PNLDC1: variants seen among roughly 807,000 people sequenced by gnomAD.
The protein encoded by PNLDC1 is poly(A)-specific ribonuclease PNLDC1.
In PNLDC1, 70 loss-of-function variants were observed where a neutral mutation model predicts 82.0. The observed-to-expected ratio is 0.85, with a 90% CI of 0.70 to 1.04. The LOEUF (loss-of-function observed/expected upper bound fraction) is 1.04. Among genes scored for constraint, PNLDC1 ranks in the 50% least tolerant of loss-of-function variants. PNLDC1 has a pLI of 0.00. For synonymous variants in PNLDC1, 280 were observed against 249.3 expected, an observed-to-expected ratio of 1.12 and a Z score of -1.16; for missense variants, 631 against 661.1, an observed-to-expected ratio of 0.95 and a Z score of 0.50.
Position 159,817,165 on chromosome 6 carries a change from C to T in PNLDC1, c.1157+14C>T, listed in dbSNP as rs777374242. ...GAAGATATACCAGTAAGTGTTCTTT[C>T]TTTTCATCCTACTGTTCAATCGGTG... On this transcript the variant is annotated intron_variant, in intron 15 of 18. Coordinates refer to ENST00000392167, the MANE Select transcript of PNLDC1 (RefSeq NM_001271862.2). 1.9e-6 allele frequency: 3 copies of T among 1,606,710 alleles called. No individual in the cohort carries two copies. The highest frequency in any genetic ancestry group is 2.6e-6 in the Non-Finnish European group (3 of 1,173,642).
At chr6:159,800,856 T>C (rs758355595) in intron 2 of PNLDC1, 27 bp downstream of exon 2, 1 of 1,613,900 alleles carries the variant, frequency 6.2e-7, no homozygotes, top group South Asian at 1.1e-5. Context: ...GTCCCCTCTG[T>C]ATAAGAGCCT....
chr6:159,800,521 C>T (rs1035455262), intron 1 of PNLDC1, 138 bp downstream of exon 1: 121 of 1,308,768 alleles, frequency 9.2e-5, no homozygotes, highest in Non-Finnish European at 4.9e-5. Flanking sequence ...CTTCCTTCTC[C>T]AGCCCCGGGG....
At chr6:159,803,767 G>A (rs1344114973) in intron 4 of PNLDC1, among the ~76,000 whole-genome samples, 198 bp from the exon 5 acceptor site, 2 of 152,134 alleles carry the variant, frequency 1.3e-5, no homozygotes, top group Non-Finnish European at 2.9e-5. Flanking sequence ...TGTGGTATAC[G>A]CTGGCCCTGA....
chr6:159,819,349 T>C lies in PNLDC1; in HGVS notation c.1529T>C (p.Leu510Pro). Residue 510 changes from leucine to proline, a missense_variant, in exon 18 of 19, where the codon CTC (leucine) becomes CCC (proline). Coordinates refer to ENST00000392167, the MANE Select transcript of PNLDC1 (RefSeq NM_001271862.2). The surrounding 1 kb of genome is among the most constrained non-coding windows in gnomAD (Gnocchi z 4.6). ...CACTCCCCAAACGTCAACTGCCTGC[T>C]CCAGTAAGTGACAGGCTGAGGCCAC... is the stretch of plus-strand genomic sequence containing the variant. The part of the protein sequence containing the change: ...WRHSPNVNCL[L>P]QVCGIVTAWA... 6.2e-7 allele frequency: 1 copy of C among 1,613,368 alleles called. No individual in the cohort carries two copies. The highest frequency in any genetic ancestry group is 8.5e-7 in the Non-Finnish European group (1 of 1,179,890).
Position 159,819,128 on chromosome 6 carries a change from GC to G in PNLDC1, c.1433+9del, listed in dbSNP as rs780168350. On this transcript the variant is annotated splice_region_variant and intron_variant, in intron 17 of 18. Transcript: ENST00000392167. This position sits in a 1 kb window ranked among gnomAD's most constrained non-coding sequence, Gnocchi z 4.6. ...TGACCAATAAGTTTAAGGAGTAGGT[GC>G]CTCTAAGTCCGCGTCCCCCACCCCT... is the stretch of plus-strand genomic sequence containing the variant. 2.5e-6 allele frequency: 4 copies of G among 1,613,524 alleles called. No homozygotes were observed. Among genetic ancestry groups the G allele is most frequent in the Admixed American group, 1.7e-5 (1 of 60,010 alleles).
In PNLDC1 at chr6:159,819,410, C is replaced by T. The variant is rs967526715; in HGVS notation, c.1532+58C>T. The T allele has an allele frequency of 1.5e-5, 21 of 1,435,748 alleles. No individual in the cohort carries two copies. In the African/African-American group the frequency reaches 2.7e-4, roughly 18 times the overall value. 88.9% of individuals were successfully genotyped at this position (1,435,748 alleles called of 1,614,324 possible). A position where few individuals can be genotyped will look rare whatever the true frequency, so the allele number is the denominator to read the frequency against. ...TGGGGTCCTGGAGTGCCCGGGGTCCCAGCATCCCAGCATGGTCTGACTCGA... is the reference window on the plus strand; with the variant it reads ...TGGGGTCCTGGAGTGCCCGGGGTCCTAGCATCCCAGCATGGTCTGACTCGA... On this transcript the variant is annotated intron_variant, in intron 18 of 18. Coordinates refer to ENST00000392167, the MANE Select transcript of PNLDC1 (RefSeq NM_001271862.2). This position sits in a 1 kb window ranked among gnomAD's most constrained non-coding sequence, Gnocchi z 4.6.
At chr6:159,820,393 G>T (rs1781999676) in intron 18 of PNLDC1, 61 bp from the exon 19 acceptor site, 2 of 1,529,996 alleles carry the variant, frequency 1.3e-6, no homozygotes, top group Non-Finnish European at 9.0e-7. Context: ...GGGCAAGCCT[G>T]TGTCGGTGCC....
chr6:159,818,196 T>C (rs1287041128), intron 15 of PNLDC1, among the ~76,000 whole-genome samples: 2 of 152,216 alleles, frequency 1.3e-5, no homozygotes, highest in Non-Finnish European at 2.9e-5. Context: ...AGGGATGCCC[T>C]TTTGGAATCA....
intron 6 of PNLDC1, 55 bp from the exon 7 acceptor site, chr6:159,805,928 T>G: frequency 7.8e-7 from 1 of 1,278,686 alleles, no homozygotes; most frequent in Non-Finnish European, 1.1e-6. Flanking sequence ...AACATAGTCT[T>G]GCGGTTCTGA....
In PNLDC1 at chr6:159,818,715, C is replaced by T. The variant is rs1194908424; in HGVS notation, c.1257+61C>T. The T allele has an allele frequency of 3.6e-5, 54 of 1,492,348 alleles. No homozygotes were observed. In the Admixed American group the frequency reaches 4.0e-4, roughly 11 times the overall value. 92.4% of individuals were successfully genotyped at this position (1,492,348 alleles called of 1,614,324 possible). A position where few individuals can be genotyped will look rare whatever the true frequency, so the allele number is the denominator to read the frequency against. ...AGAGTTCAGAGGCTTTGCTGGGAAG[C>T]GGCCAGTGCTCTCTGGGACTCGTGA... On this transcript the variant is annotated intron_variant, in intron 16 of 18. Transcript: ENST00000392167.
rs552979375 is a variant in PNLDC1, at chr6:159,811,910, TTTTG to T, written c.939+129_939+132del. On this transcript the variant is annotated intron_variant, in intron 11 of 18. Coordinates refer to ENST00000392167, the MANE Select transcript of PNLDC1 (RefSeq NM_001271862.2). ...TTTTGTTTTGTTTTGTTTTGTTTTG[TTTTG>T]TTTGAGAGGGAGTCTTGCTCTCAAA... 4.9e-3 allele frequency: 3,743 copies of T among 767,518 alleles called. 23 individuals carry two copies. Among genetic ancestry groups the T allele is most frequent in the Non-Finnish European group, 5.8e-3 (2,801 of 482,390 alleles). 47.5% of individuals were successfully genotyped at this position (767,518 alleles called of 1,614,324 possible).
At chr6:159,800,226 A>T, upstream of PNLDC1, 2 of 1,380,126 alleles carry the variant, frequency 1.4e-6, no homozygotes, top group Non-Finnish European at 2.0e-6. Flanking sequence ...GCCCTTTAAG[A>T]CCCGGCGGCG....
chr6:159,819,172 A>G lies in PNLDC1; in HGVS notation c.1433+51A>G. On this transcript the variant is annotated intron_variant, in intron 17 of 18. Coordinates refer to ENST00000392167, the MANE Select transcript of PNLDC1 (RefSeq NM_001271862.2). The surrounding 1 kb of genome is among the most constrained non-coding windows in gnomAD (Gnocchi z 4.6). ...CCACCCCTCGTGCGTTCATCCCTGT[A>G]TCTCTCTGACTCCACCCGCCTGATC... 1.9e-6 allele frequency: 3 copies of G among 1,609,722 alleles called. No individual in the cohort carries two copies. The highest frequency in any genetic ancestry group is 2.5e-6 in the Non-Finnish European group (3 of 1,176,968).
At chr6:159,802,090 G>A (rs1326728123) in intron 3 of PNLDC1, among the ~76,000 whole-genome samples, 1 of 152,204 alleles carries the variant, frequency 6.6e-6, no homozygotes, top group African/African-American at 2.4e-5. Flanking sequence ...GTTTCACCAT[G>A]TTGGCCAGGC....
At chr6:159,815,839 A>G in intron 12 of PNLDC1, 130 bp from the exon 13 acceptor site, 2 of 670,322 alleles carry the variant, frequency 3.0e-6, no homozygotes, top group South Asian at 3.6e-5. Flanking sequence ...GTCCATGCTT[A>G]GATTTGCACC....
rs1261720414 is a variant in PNLDC1, at chr6:159,804,038, C to T, written c.322C>T (p.Gln108Ter). 2 of 1,614,138 alleles carry T rather than the reference C, an allele frequency of 1.2e-6. No individual in the cohort carries two copies. The highest frequency in any genetic ancestry group is 1.7e-5 in the Admixed American group (1 of 60,022). ...GATTTTGGACTCAGAATTCTCCTTC[C>T]AGGCTTCCAGTGTTCAGTTTTTGAA... ...FGILDSEFSF[Q>*]ASSVQFLNQY... Residue 108 changes from glutamine (Q) to a stop codon, truncating the protein, a stop_gained, in exon 5 of 19, where the codon CAG becomes TAG. Transcript: ENST00000392167. LOFTEE classifies it high-confidence loss of function.
intron 7 of PNLDC1, among the ~76,000 whole-genome samples, chr6:159,808,137 C>G (rs1358949567): frequency 1.3e-5 from 2 of 152,202 alleles, no homozygotes; most frequent in Non-Finnish European, 2.9e-5. Flanking sequence ...TGGTCTCGAA[C>G]TCCTGACCTC....
Position 159,806,093 on chromosome 6 carries a change from G to A in PNLDC1, c.562+10G>A. On this transcript the variant is annotated intron_variant, in intron 7 of 18. Transcript: ENST00000392167. ...CTTCCTGGGATCACTGGTAGGCAGG[G>A]CCTGTTCCTCCCAACGCAGGAGCAT... is the stretch of plus-strand genomic sequence containing the variant. 6.2e-7 allele frequency: 1 copy of A among 1,607,054 alleles called. No individual in the cohort carries two copies.
In PNLDC1 at chr6:159,819,065, T is replaced by C. The variant is rs1412720523; in HGVS notation, c.1377T>C (p.Phe459=). The change falls in exon 17 of 19, where the codon TTT becomes TTC. Residue 459 remains phenylalanine (F), a synonymous_variant. Coordinates refer to ENST00000392167, the MANE Select transcript of PNLDC1 (RefSeq NM_001271862.2). The surrounding 1 kb of genome is among the most constrained non-coding windows in gnomAD (Gnocchi z 4.6). ...VYHKFQNLCK[F]DVRRLTRSQF... is the part of the protein sequence containing the mutation. ...ATAAGTTTCAGAATCTCTGCAAGTT[T>C]GATGTCAGGCGACTCACAAGAAGCC... The C allele has an allele frequency of 1.9e-6, 3 of 1,614,018 alleles. No individual in the cohort carries two copies. The highest frequency in any genetic ancestry group is 2.2e-5 in the South Asian group (2 of 91,084).
Sources: allele counts gnomAD v4.1 joint callset (sites outside exome capture counted in the v4.1 genomes callset), GRCh38; gene constraint gnomAD v4.1.1; non-coding constraint Gnocchi (gnomAD v3.1); transcripts MANE v1.5; gene names NCBI Gene and HGNC (gene_info 2026-07-23, HGNC 2026-07-21).